ALDH1L1: variants seen among roughly 807,000 people sequenced by gnomAD.
ALDH1L1 encodes aldehyde dehydrogenase 1 family member L1.
Under a neutral mutation model 101.1 loss-of-function variants are expected in ALDH1L1, and 68 were observed. That is an observed-to-expected ratio of 0.67 (90% CI 0.55 to 0.82). The LOEUF (loss-of-function observed/expected upper bound fraction) is 0.82. ALDH1L1 is among the 40% of genes least tolerant of loss of function. The pLI, the probability that ALDH1L1 is intolerant of heterozygous loss-of-function variation, is 0.00. For missense variants in ALDH1L1, 1,087 were observed against 1,172.7 expected (o/e 0.93, Z 1.07); for synonymous variants, 486 against 470.8 (o/e 1.03, Z -0.42).
chr3:126,121,578 C>A (rs765209624), intron 16 of ALDH1L1, among the ~76,000 whole-genome samples: 3 of 152,128 alleles, frequency 2.0e-5, no homozygotes, highest in South Asian at 2.1e-4. Context: ...AGGAGCCCTG[C>A]GGACAATTCC....
intron 16 of ALDH1L1, among the ~76,000 whole-genome samples, chr3:126,124,057 A>G (rs1287357371): frequency 6.6e-6 from 1 of 152,148 alleles, no homozygotes; most frequent in Non-Finnish European, 1.5e-5. Flanking sequence ...AAATTCTCTC[A>G]AACTTCCAAG....
intron 21 of ALDH1L1, among the ~76,000 whole-genome samples, chr3:126,106,136 G>T (rs1469012079): frequency 6.6e-6 from 1 of 152,220 alleles, no homozygotes; most frequent in Non-Finnish European, 1.5e-5. Context: ...CACCACAGGG[G>T]CTCCTGGATC....
chr3:126,123,840 T>C (rs1210136490), intron 16 of ALDH1L1, among the ~76,000 whole-genome samples: 2 of 151,870 alleles, frequency 1.3e-5, no homozygotes, highest in Non-Finnish European at 2.9e-5. Context: ...AGGAAAAATA[T>C]AAAGAATGTA....
chr3:126,158,289 C>T, intron 3 of ALDH1L1, 116 bp downstream of exon 3: 1 of 1,032,434 alleles, frequency 9.7e-7, no homozygotes, highest in East Asian at 2.6e-5. Context: ...GGACAGGCAC[C>T]TGCACGATGC....
intron 13 of ALDH1L1, 144 bp from the exon 14 acceptor site, chr3:126,130,437 G>A (rs182784765): frequency 2.3e-5 from 15 of 644,718 alleles, no homozygotes; most frequent in Non-Finnish European, 2.3e-6. Context: ...ACAGGCAGGG[G>A]GGCAGCCAGA....
At position 126,136,797 on chromosome 3, in the gene ALDH1L1, C is replaced by T; in HGVS notation, c.1311G>A (p.Lys437=). The T allele has an allele frequency of 6.3e-7, 1 of 1,590,424 alleles. No homozygotes were observed. The highest frequency in any genetic ancestry group is 8.6e-7 in the Non-Finnish European group (1 of 1,167,898). ...CGGTGGGATTGATGGTCTCAGAGGTCTTGGCGCCCTCGGCATCCACGAACT... is the reference window on the plus strand; with the variant it reads ...CGGTGGGATTGATGGTCTCAGAGGTTTTGGCGCCCTCGGCATCCACGAACT... The part of the protein sequence containing the change: ...GGEFVDAEGA[K]TSETINPTDG... The change falls in exon 11 of 23, where the codon AAG becomes AAA. Residue 437 remains lysine, a synonymous_variant. Coordinates refer to ENST00000393434, the MANE Select transcript of ALDH1L1 (RefSeq NM_012190.4).
chr3:126,149,950 C>A (rs113433435), intron 8 of ALDH1L1, among the ~76,000 whole-genome samples: 1 of 152,194 alleles, frequency 6.6e-6, no homozygotes, highest in African/African-American at 2.4e-5. Flanking sequence ...GTCTTAGAGA[C>A]GAAAGCTCCC....
chr3:126,165,475 T>C (rs2081147877), intron 1 of ALDH1L1, among the ~76,000 whole-genome samples: 1 of 152,226 alleles, frequency 6.6e-6, no homozygotes, highest in Non-Finnish European at 1.5e-5. Flanking sequence ...TTCAATTTTT[T>C]TGTAATACTT....
upstream of ALDH1L1, chr3:126,181,028 G>T: frequency 6.3e-7 from 1 of 1,591,588 alleles, no homozygotes; most frequent in Non-Finnish European, 8.5e-7. Context: ...GCAGCCGCTT[G>T]CAGAGGCGGC....
rs1426217308 is a variant in ALDH1L1, at chr3:126,137,964, G to C, written c.1077-4C>G. On this transcript the variant is annotated splice_region_variant and splice_polypyrimidine_tract_variant and intron_variant, in intron 9 of 22. Coordinates refer to ENST00000393434, the MANE Select transcript of ALDH1L1 (RefSeq NM_012190.4). ...CTCCTTCACTTCCTCCACCAGCCTG[G>C]AGGAAGGAGATGGAAAGATGGGGAC... 3 of 1,613,924 alleles carry C rather than the reference G, an allele frequency of 1.9e-6. No homozygotes were observed. The East Asian group carries it at 6.7e-5, about 36-fold the overall frequency.
intron 15 of ALDH1L1, 110 bp from the exon 16 acceptor site, chr3:126,124,561 T>A (rs2080143048): frequency 1.2e-6 from 1 of 809,568 alleles, no homozygotes. Context: ...GCTGGGAGAG[T>A]AGCTGCAGAT....
rs747879660 is a variant in ALDH1L1 at position 126,157,524 on chromosome 3, G to A, written c.363-16C>T. The A allele has an allele frequency of 3.1e-5, 50 of 1,611,520 alleles. 2 individuals are homozygous for A. The South Asian group carries it at 4.8e-4, about 16-fold the overall frequency. On this transcript the variant is annotated splice_polypyrimidine_tract_variant and intron_variant, in intron 3 of 22. Coordinates refer to ENST00000393434, the MANE Select transcript of ALDH1L1 (RefSeq NM_012190.4). Reference sequence around the variant, plus strand: ...AATGAGGGTCCTAGGAAGCAGAAGAGTGAAACCTGGAGTCCACGATGAAGG... The same window carrying A: ...AATGAGGGTCCTAGGAAGCAGAAGAATGAAACCTGGAGTCCACGATGAAGG...
chr3:126,140,027 G>A (rs964674323), intron 9 of ALDH1L1, among the ~76,000 whole-genome samples: 8 of 152,024 alleles, frequency 5.3e-5, no homozygotes, highest in African/African-American at 1.9e-4. Context: ...CCAAACATGA[G>A]GAAAGAAATG....
chr3:126,134,801 C>A (rs2080392612), intron 12 of ALDH1L1, among the ~76,000 whole-genome samples: 1 of 152,178 alleles, frequency 6.6e-6, no homozygotes, highest in Admixed American at 6.5e-5. Context: ...CCCAGGACCC[C>A]AGCGAAAGAG....
chr3:126,197,844 T>G (rs1235537452), exon 1 of ALDH1L1: 3 of 152,098 alleles, frequency 2.0e-5, no homozygotes, highest in Non-Finnish European at 4.4e-5. Flanking sequence ...TTAAAAAAGT[T>G]TAATTGAGCA....
intron 1 of ALDH1L1, among the ~76,000 whole-genome samples, chr3:126,179,449 G>A (rs957179400): frequency 2.4e-4 from 36 of 152,284 alleles, no homozygotes; most frequent in African/African-American, 8.4e-4. Context: ...GCAGTGAGCC[G>A]AGATCGTGCC....
intron 10 of ALDH1L1, 140 bp from the exon 11 acceptor site, chr3:126,137,023 G>C (rs2080461500): frequency 7.8e-7 from 1 of 1,282,594 alleles, no homozygotes; most frequent in Admixed American, 2.5e-5. Context: ...AGCTGAGCAG[G>C]GGAGAGACAA....
chr3:126,153,566 T>G lies in ALDH1L1; in HGVS notation c.736A>C (p.Asn246His). 6.2e-7 allele frequency: 1 copy of G among 1,611,120 alleles called. No homozygotes were observed. The highest frequency in any genetic ancestry group is 8.5e-7 in the Non-Finnish European group (1 of 1,178,568). Residue 246 changes from asparagine (N) to histidine (H), a missense_variant, in exon 7 of 23, where the codon AAC (asparagine) becomes CAC (histidine). Coordinates refer to ENST00000393434, the MANE Select transcript of ALDH1L1 (RefSeq NM_012190.4). ...AGGCCTGAAGTGTTCAGCGTTGAGTTGAAAAATGTCAGTTTCTGTCAAGGG... is the reference window on the plus strand; with the variant it reads ...AGGCCTGAAGTGTTCAGCGTTGAGTGGAAAAATGTCAGTTTCTGTCAAGGG... ...EACEQKLTFF[N>H]STLNTSGLVP...
upstream of ALDH1L1, among the ~76,000 whole-genome samples, chr3:126,186,511 CCCTGACCCT>C (rs1559985080): frequency 8.5e-6 from 1 of 118,250 alleles, no homozygotes; most frequent in East Asian, 2.4e-4. Context: ...CTGACCCTGA[CCCTGACCCT>C]GAGCCTGAGG....
Sources: allele counts gnomAD v4.1 joint callset (sites outside exome capture counted in the v4.1 genomes callset), GRCh38; gene constraint gnomAD v4.1.1; transcripts MANE v1.5; gene names NCBI Gene and HGNC (gene_info 2026-07-23, HGNC 2026-07-21).